HHIPL1: variants seen among roughly 807,000 people sequenced by gnomAD.
The protein encoded by HHIPL1 is HHIP like 1.
HHIPL1 carries 43 observed loss-of-function variants against 61.8 expected under a neutral mutation model. That is an observed-to-expected ratio of 0.70 (90% CI 0.55 to 0.90). The LOEUF (loss-of-function observed/expected upper bound fraction) is 0.90, where lower values mean the gene tolerates loss of function less well. HHIPL1 is among the 40% of genes least tolerant of loss of function. HHIPL1 has a pLI of 0.00. For missense variants in HHIPL1, 1,056 were observed against 1,157.7 expected (o/e 0.91, Z 1.28); for synonymous variants, 482 against 515.8 (o/e 0.93, Z 0.89).
Position 99,659,858 on chromosome 14 carries a change from C to A in HHIPL1, c.1375+102C>A, listed in dbSNP as rs1379077380. On this transcript the variant is annotated intron_variant, in intron 4 of 8. Coordinates refer to ENST00000330710, the MANE Select transcript of HHIPL1 (RefSeq NM_001127258.3). ...CCTCGGAGACCGCACCCCCCCCCCCCCGGAGATCCCTGACCCTGAGTCTGT... is the reference window on the plus strand; with the variant it reads ...CCTCGGAGACCGCACCCCCCCCCCCACGGAGATCCCTGACCCTGAGTCTGT... The A allele has an allele frequency of 2.5e-4, 158 of 631,556 alleles. 15 individuals carry two copies. Among genetic ancestry groups the A allele is most frequent in the Non-Finnish European group, 3.4e-4 (148 of 431,568 alleles). 39.1% of individuals were successfully genotyped at this position (631,556 alleles called of 1,614,324 possible). A position where few individuals can be genotyped will look rare whatever the true frequency, so the allele number is the denominator to read the frequency against.
At chr14:99,665,211 G>A (rs754198252) in intron 6 of HHIPL1, among the ~76,000 whole-genome samples, 8 of 152,120 alleles carry the variant, frequency 5.3e-5, no homozygotes, top group Non-Finnish European at 1.0e-4. Context: ...GCGCCCAGCC[G>A]AAATTGTCCA....
At chr14:99,674,227 A>C (rs1407635574) in intron 8 of HHIPL1, among the ~76,000 whole-genome samples, 1 of 151,968 alleles carries the variant, frequency 6.6e-6, no homozygotes, top group Non-Finnish European at 1.5e-5. Flanking sequence ...ATAGTAATTG[A>C]ACAGTCTTGG....
the HHIPL1 span, among the ~76,000 whole-genome samples, chr14:99,620,743 A>G: frequency 3.3e-5 from 5 of 152,286 alleles, no homozygotes; most frequent in South Asian, 6.2e-4. Context: ...GCCTGAGCCT[A>G]AGGGCCACTC....
chr14:99,618,369 C>T, the HHIPL1 span, among the ~76,000 whole-genome samples: 7 of 152,200 alleles, frequency 4.6e-5, no homozygotes, highest in Admixed American at 1.3e-4. Flanking sequence ...TGGACTGGTC[C>T]GATCCTAGAG....
the HHIPL1 span, among the ~76,000 whole-genome samples, chr14:99,610,740 A>G: frequency 0.65 from 99,050 of 151,988 alleles, 35,256 homozygotes; most frequent in Middle Eastern, 0.88. Context: ...TAGCCTAGAC[A>G]ACAGAGCAAG....
intron 3 of HHIPL1, among the ~76,000 whole-genome samples, chr14:99,658,322 A>T (rs1312048429): frequency 6.6e-6 from 1 of 152,202 alleles, no homozygotes. Context: ...GCGTGGGTTC[A>T]GGGGTGTGAT....
chr14:99,654,202 A>AG (rs1555377048), intron 2 of HHIPL1, among the ~76,000 whole-genome samples: 23 of 151,220 alleles, frequency 1.5e-4, no homozygotes, highest in East Asian at 5.8e-4. Flanking sequence ...AAAAAAAAAA[A>AG]AAAAAAGAAA....
chr14:99,612,162 G>C, the HHIPL1 span, among the ~76,000 whole-genome samples: 1 of 152,186 alleles, frequency 6.6e-6, no homozygotes, highest in Non-Finnish European at 1.5e-5. Context: ...TACCAATCAC[G>C]GTGGCAGGAG....
chr14:99,606,581 C>A, the HHIPL1 span, among the ~76,000 whole-genome samples: 1 of 152,234 alleles, frequency 6.6e-6, no homozygotes, highest in Non-Finnish European at 1.5e-5. Flanking sequence ...TTATCTCTGC[C>A]CCCTGATCCT....
At chr14:99,613,852 A>G in the HHIPL1 span, among the ~76,000 whole-genome samples, 1 of 152,098 alleles carries the variant, frequency 6.6e-6, no homozygotes. Context: ...GGGAGGTTGC[A>G]GTGAGCCGAG....
chr14:99,648,276 C>T (rs2055872880), intron 1 of HHIPL1, among the ~76,000 whole-genome samples: 1 of 152,206 alleles, frequency 6.6e-6, no homozygotes, highest in South Asian at 2.1e-4. Flanking sequence ...ACTGAACAAA[C>T]ACATACATCT....
intron 6 of HHIPL1, among the ~76,000 whole-genome samples, chr14:99,666,505 A>C (rs2056248858): frequency 6.6e-6 from 1 of 152,152 alleles, no homozygotes; most frequent in African/African-American, 2.4e-5. Context: ...GCTGACTATG[A>C]ACGCCTGGTT....
chr14:99,629,509 G>GC, the HHIPL1 span, among the ~76,000 whole-genome samples: 5 of 96,584 alleles, frequency 5.2e-5, no homozygotes, highest in East Asian at 1.1e-3. Context: ...TAGACTTCCT[G>GC]ATTTTTTTTT....
At chr14:99,620,801 C>A in the HHIPL1 span, among the ~76,000 whole-genome samples, 2 of 152,230 alleles carry the variant, frequency 1.3e-5, no homozygotes, top group African/African-American at 4.8e-5. Flanking sequence ...GGGCAGGGCC[C>A]ATCTCTGGAG....
chr14:99,631,360 C>G, the HHIPL1 span, among the ~76,000 whole-genome samples: 1 of 152,048 alleles, frequency 6.6e-6, no homozygotes, highest in African/African-American at 2.4e-5. Context: ...CGTGAGCCAC[C>G]GCGCCCGGCC....
At chr14:99,637,419 A>G in the HHIPL1 span, among the ~76,000 whole-genome samples, 2 of 151,866 alleles carry the variant, frequency 1.3e-5, no homozygotes, top group Non-Finnish European at 2.9e-5. Flanking sequence ...AACAAATAAC[A>G]TAATCAGCTG....
upstream of HHIPL1, chr14:99,645,036 C>T: frequency 2.0e-6 from 1 of 498,788 alleles, no homozygotes; most frequent in East Asian, 3.7e-5. Context: ...CCTCTTCCTT[C>T]AGTCCCGCCG....
chr14:99,604,664 C>T, the HHIPL1 span: 1 of 152,124 alleles, frequency 6.6e-6, no homozygotes, highest in African/African-American at 2.4e-5. Context: ...CCGGGCTTCC[C>T]TTAAAGGCGA....
the HHIPL1 span, among the ~76,000 whole-genome samples, chr14:99,613,270 T>G: frequency 6.7e-6 from 1 of 148,566 alleles, no homozygotes; most frequent in Non-Finnish European, 1.5e-5. Flanking sequence ...GTTTTTTAGT[T>G]TTTTTTTTTA....
Sources: gnomAD v4.1 joint callset for allele counts (sites outside exome capture counted in the v4.1 genomes callset) on GRCh38, gnomAD v4.1.1 for gene constraint, MANE v1.5 for transcripts, NCBI Gene and HGNC (gene_info 2026-07-23, HGNC 2026-07-21) for gene names.